The following ARSJ variants were observed in gnomAD, a reference collection of about 807,000 sequenced individuals.
ARSJ encodes arylsulfatase J.
A neutral mutation model predicts 35.9 loss-of-function variants in ARSJ; 26 were observed. The ratio of observed to expected loss-of-function variants is 0.72; its 90% CI spans 0.53 to 1.00. The LOEUF is 1.00. ARSJ is among the 50% of genes least tolerant of loss of function. The pLI is 0.00. For missense variants in ARSJ, 667 were observed against 723.6 expected, an observed-to-expected ratio of 0.92 and a Z score of 0.90; for synonymous variants, 294 against 267.6, an observed-to-expected ratio of 1.10 and a Z score of -0.96.
intron 1 of ARSJ, among the ~76,000 whole-genome samples, chr4:113,933,233 A>T (rs1181107825): frequency 6.6e-6 from 1 of 151,836 alleles, no homozygotes; most frequent in Non-Finnish European, 1.5e-5. Flanking sequence ...GATCTAAGAA[A>T]AACCCTCATG....
rs139387373 is a variant in ARSJ at position 113,914,829 on chromosome 4, T to C, written c.399-11154A>G. On this transcript the variant is annotated intron_variant, in intron 1 of 1. Coordinates refer to ENST00000315366, the MANE Select transcript of ARSJ (RefSeq NM_024590.4). Reference sequence around the variant, plus strand: ...CTGTAAGAAACATTGTGGTATACTATATATCCACAGTAGAGAATAATTTTT... The same window carrying C: ...CTGTAAGAAACATTGTGGTATACTACATATCCACAGTAGAGAATAATTTTT... Among the ~76,000 whole-genome samples the C allele has an allele frequency of 2.0e-3, 302 of 152,344 alleles. 1 individual carries two copies. Among genetic ancestry groups the C allele is most frequent in the Non-Finnish European group, 3.2e-3 (217 of 68,030 alleles).
intron 1 of ARSJ, among the ~76,000 whole-genome samples, chr4:113,960,386 CA>C (rs1726470712): frequency 6.6e-6 from 1 of 152,038 alleles, no homozygotes. Flanking sequence ...CTCTACTTCA[CA>C]AACCTTGCTG....
intron 1 of ARSJ, among the ~76,000 whole-genome samples, chr4:113,907,991 T>G (rs1442187317): frequency 6.6e-6 from 1 of 152,142 alleles, no homozygotes; most frequent in Non-Finnish European, 1.5e-5. Flanking sequence ...TCGGGTAGTA[T>G]GCTCACTACC....
intron 1 of ARSJ, among the ~76,000 whole-genome samples, chr4:113,946,799 T>C (rs959987840): frequency 3.9e-5 from 6 of 152,158 alleles, no homozygotes; most frequent in African/African-American, 1.2e-4. Flanking sequence ...AGTATTAAAA[T>C]TATTTTGGCG....
At chr4:113,912,209 A>G (rs1041750307) in intron 1 of ARSJ, among the ~76,000 whole-genome samples, 1 of 152,218 alleles carries the variant, frequency 6.6e-6, no homozygotes. Flanking sequence ...ATATACCATC[A>G]TTTAGAAGAA....
chr4:113,910,794 C>G (rs1208764032), intron 1 of ARSJ, among the ~76,000 whole-genome samples: 1 of 152,072 alleles, frequency 6.6e-6, no homozygotes, highest in Non-Finnish European at 1.5e-5. Flanking sequence ...GGGATTACAA[C>G]AGGTGAATAA....
chr4:113,923,453 CA>C (rs1723808600), intron 1 of ARSJ, among the ~76,000 whole-genome samples: 1 of 152,026 alleles, frequency 6.6e-6, no homozygotes, highest in East Asian at 1.9e-4. Context: ...AAATATGAGA[CA>C]AAAATTAAGA....
At chr4:113,967,461 G>A (rs1726965441) in intron 1 of ARSJ, among the ~76,000 whole-genome samples, 1 of 151,904 alleles carries the variant, frequency 6.6e-6, no homozygotes. Flanking sequence ...TTGCCCCTAT[G>A]GTCTTATTTA....
At chr4:113,962,878 C>T (rs1726645080) in intron 1 of ARSJ, among the ~76,000 whole-genome samples, 1 of 152,050 alleles carries the variant, frequency 6.6e-6, no homozygotes, top group Non-Finnish European at 1.5e-5. Flanking sequence ...TCTTTAACTG[C>T]TTTGACCCCA....
At position 113,955,669 on chromosome 4, in the gene ARSJ, C is replaced by A. The variant is rs563692995; in HGVS notation, c.398+22768G>T. Among the ~76,000 whole-genome samples the A allele has an allele frequency of 5.5e-4, 84 of 152,122 alleles. No homozygotes were observed. The South Asian group carries it at 7.9e-3, about 14-fold the overall frequency. On this transcript the variant is annotated intron_variant, in intron 1 of 1. Coordinates refer to ENST00000315366, the MANE Select transcript of ARSJ (RefSeq NM_024590.4). ...ATGTTGCTTTGTTTAACCTTCATAA[C>A]TGTTATAATCCTCTTTTATAGCTCA...
At chr4:113,948,594 A>G (rs759667812) in intron 1 of ARSJ, among the ~76,000 whole-genome samples, 4 of 152,160 alleles carry the variant, frequency 2.6e-5, no homozygotes, top group African/African-American at 9.6e-5. Flanking sequence ...TTCCAGACAC[A>G]TTGTTAATGT....
intron 1 of ARSJ, among the ~76,000 whole-genome samples, chr4:113,959,903 G>T (rs1181533196): frequency 3.3e-5 from 5 of 151,966 alleles, no homozygotes; most frequent in African/African-American, 7.2e-5. Flanking sequence ...CCACCCAATA[G>T]ATTTTTTTTC....
rs149957378 is a variant in ARSJ, at chr4:113,926,796, G to A, written c.399-23121C>T. On this transcript the variant is annotated intron_variant, in intron 1 of 1. Transcript: ENST00000315366. Reference sequence around the variant, plus strand: ...TTGATGACCCATAGTCAGACGTTCAGTTTCCACCAAAGCCCAGTAACAGGC... The same window carrying A: ...TTGATGACCCATAGTCAGACGTTCAATTTCCACCAAAGCCCAGTAACAGGC... Among the ~76,000 whole-genome samples the A allele has an allele frequency of 6.7e-3, 1,018 of 152,248 alleles. 16 individuals carry two copies. The highest frequency in any genetic ancestry group is 0.023 in the African/African-American group (967 of 41,562).
At chr4:113,948,672 A>G (rs921127073) in intron 1 of ARSJ, among the ~76,000 whole-genome samples, 2 of 152,116 alleles carry the variant, frequency 1.3e-5, no homozygotes, top group Admixed American at 1.3e-4. Context: ...CTAAGTGATC[A>G]TACTTTAGAA....
At chr4:113,904,964 A>G (rs909606826) in intron 1 of ARSJ, among the ~76,000 whole-genome samples, 4 of 152,248 alleles carry the variant, frequency 2.6e-5, no homozygotes, top group Non-Finnish European at 5.9e-5. Context: ...TCTCTTTTTA[A>G]AAAACTATAA....
intron 1 of ARSJ, among the ~76,000 whole-genome samples, chr4:113,957,426 G>GA (rs1336773475): frequency 2.6e-5 from 4 of 152,086 alleles, no homozygotes; most frequent in South Asian, 2.1e-4. Context: ...ATTGTATTGG[G>GA]AAAAAATATA....
In ARSJ at chr4:113,903,166, G is replaced by A; in HGVS notation, c.908C>T (p.Ala303Val). The change falls in exon 2 of 2, where the codon GCA becomes GTA. Residue 303 changes from alanine (A) to valine (V), a missense_variant. By Grantham distance (64) the Ala-to-Val change is moderately conservative. Transcript: ENST00000315366. ...YAAMLSCLDE[A>V]INNVTLALKT... The stretch of plus-strand genomic sequence containing the variant: ...TAGAGCCAATGTCACGTTGTTGATT[G>A]CTTCATCTAAGCAGGAAAGCATGGC... 1 of 1,614,122 alleles carries A rather than the reference G, an allele frequency of 6.2e-7. No individual in the cohort carries two copies. Among genetic ancestry groups the A allele is most frequent in the Non-Finnish European group, 8.5e-7 (1 of 1,179,994 alleles).
At chr4:113,934,336 C>A (rs1724638418) in intron 1 of ARSJ, among the ~76,000 whole-genome samples, 2 of 151,652 alleles carry the variant, frequency 1.3e-5, no homozygotes, top group South Asian at 4.1e-4. Context: ...TATGAAATCA[C>A]CCTAAGTGTT....
At chr4:113,942,774 T>C (rs1725236257) in intron 1 of ARSJ, among the ~76,000 whole-genome samples, 1 of 152,052 alleles carries the variant, frequency 6.6e-6, no homozygotes, top group South Asian at 2.1e-4. Flanking sequence ...ATGAAGAAAA[T>C]TTACCACGTT....
Sources: allele counts gnomAD v4.1 joint callset (sites outside exome capture counted in the v4.1 genomes callset), GRCh38; gene constraint gnomAD v4.1.1; transcripts MANE v1.5; gene names NCBI Gene and HGNC (gene_info 2026-07-23, HGNC 2026-07-21).